Variants in EPHA6 observed in about 807,000 individuals in gnomAD.
EPHA6 encodes ephrin type-A receptor 6.
A neutral mutation model predicts 112.0 loss-of-function variants in EPHA6; 50 were observed. That is an observed-to-expected ratio of 0.45 (90% CI 0.36 to 0.56). The LOEUF is 0.56. EPHA6 is among the 20% of genes least tolerant of loss of function. The pLI is 0.00. For synonymous variants in EPHA6, 529 were observed against 490.7 expected (o/e 1.08, Z -1.03); for missense variants, 1,280 against 1,417.4 (o/e 0.90, Z 1.56).
chr3:97,009,890 C>T, intron 3 of EPHA6: 3 of 435,626 alleles, frequency 6.9e-6, no homozygotes, highest in Non-Finnish European at 1.3e-5. Flanking sequence ...CTCTGCTCTT[C>T]CTTCTCTCCA....
At chr3:97,319,144 A>T (rs549347395) in intron 5 of EPHA6, among the ~76,000 whole-genome samples, 2 of 151,072 alleles carry the variant, frequency 1.3e-5, no homozygotes, top group Admixed American at 6.6e-5. Context: ...TAATTTATTC[A>T]TTTTTTGCTT....
chr3:97,058,331 G>T (rs1029690527), intron 3 of EPHA6, among the ~76,000 whole-genome samples: 1 of 151,444 alleles, frequency 6.6e-6, no homozygotes, highest in South Asian at 2.1e-4. Context: ...AAGTTTTGCT[G>T]TTGTTACCCA....
At chr3:97,224,416 A>G (rs1218148599) in intron 3 of EPHA6, among the ~76,000 whole-genome samples, 1 of 152,178 alleles carries the variant, frequency 6.6e-6, no homozygotes, top group Non-Finnish European at 1.5e-5. Context: ...TTAACAGAAA[A>G]CACGTCAGAT....
intron 3 of EPHA6, 106 bp from the exon 4 acceptor site, chr3:97,226,158 G>T (rs147460798): frequency 6.8e-6 from 6 of 877,270 alleles, no homozygotes; most frequent in African/African-American, 6.8e-5. Context: ...GTGTAACACT[G>T]TACTCTGAGA....
Position 97,263,436 on chromosome 3 carries a change from T to TACGCAC in EPHA6, c.1606+19151_1606+19152insGCACAC, listed in dbSNP as rs367862169. ...ACAAAGCGCCTTCCAATTAAAGGGA[T>TACGCAC]ACACACACACACACACACACACACA... On this transcript the variant is annotated intron_variant, in intron 5 of 17. Transcript: ENST00000389672. Among the ~76,000 whole-genome samples, 89 of 142,302 alleles carry TACGCAC rather than the reference T, an allele frequency of 6.3e-4. 1 individual carries two copies. The highest frequency in any genetic ancestry group is 2.2e-3 in the African/African-American group (87 of 39,084). The allele number at this position is 142,302 out of a possible 152,430, so 93.4% of individuals were successfully genotyped here. A position where few individuals can be genotyped will look rare whatever the true frequency, so the allele number is the denominator to read the frequency against.
intron 13 of EPHA6, among the ~76,000 whole-genome samples, chr3:97,627,466 A>G (rs2093867790): frequency 6.6e-6 from 1 of 151,820 alleles, no homozygotes; most frequent in Non-Finnish European, 1.5e-5. Context: ...TAAAGTGGAT[A>G]CCTGAGAGAA....
intron 14 of EPHA6, among the ~76,000 whole-genome samples, chr3:97,710,352 T>C (rs186631853): frequency 6.6e-6 from 1 of 152,374 alleles, no homozygotes; most frequent in East Asian, 1.9e-4. Flanking sequence ...TTAAGGTCAC[T>C]GTTCCATTCT....
chr3:97,355,454 A>G (rs1037313762), intron 5 of EPHA6, among the ~76,000 whole-genome samples: 1 of 152,114 alleles, frequency 6.6e-6, no homozygotes, highest in South Asian at 2.1e-4. Flanking sequence ...TTATGTTGTC[A>G]TCAGTTTAAA....
chr3:97,062,908 A>G (rs1411034692), intron 3 of EPHA6, among the ~76,000 whole-genome samples: 1 of 152,164 alleles, frequency 6.6e-6, no homozygotes, highest in African/African-American at 2.4e-5. Flanking sequence ...GACACTTCTC[A>G]AAAGGAGATA....
chr3:97,009,983 TTG>T, intron 3 of EPHA6: 1 of 800,722 alleles, frequency 1.2e-6, no homozygotes, highest in Non-Finnish European at 1.8e-6. Flanking sequence ...ATGCTTATCA[TTG>T]TTTTTTTTTT....
At chr3:97,519,510 T>C (rs2092502782) in intron 10 of EPHA6, among the ~76,000 whole-genome samples, 1 of 152,184 alleles carries the variant, frequency 6.6e-6, no homozygotes, top group Non-Finnish European at 1.5e-5. Context: ...GTTTTTTCTA[T>C]TTCTGTGGCA....
Position 97,680,257 on chromosome 3 carries a change from A to T in EPHA6, c.2785-40004A>T, listed in dbSNP as rs556701111. On this transcript the variant is annotated intron_variant, in intron 14 of 17. Transcript: ENST00000389672. The stretch of plus-strand genomic sequence containing the variant: ...CTTCTCTGATAGCTAAGGATTTGGT[A>T]ACATGCCAGGCTCCTAATGTTCATT... 9.2e-5 allele frequency among the ~76,000 whole-genome samples: 14 copies of T among 152,276 alleles called. No individual in the cohort carries two copies. The South Asian group carries it at 2.9e-3, about 32-fold the overall frequency.
chr3:97,387,844 C>T (rs1307209706), intron 5 of EPHA6, among the ~76,000 whole-genome samples: 1 of 152,122 alleles, frequency 6.6e-6, no homozygotes, highest in Non-Finnish European at 1.5e-5. Flanking sequence ...GAGGTTTAAT[C>T]AGCTTACAGT....
chr3:97,084,316 A>G (rs1448689564), intron 3 of EPHA6, among the ~76,000 whole-genome samples: 2 of 151,176 alleles, frequency 1.3e-5, no homozygotes, highest in African/African-American at 4.9e-5. Flanking sequence ...TGTCCAGCCA[A>G]TCGTATAGCC....
At chr3:97,007,193 G>C (rs1167045766) in intron 3 of EPHA6, among the ~76,000 whole-genome samples, 2 of 152,132 alleles carry the variant, frequency 1.3e-5, no homozygotes, top group African/African-American at 2.4e-5. Flanking sequence ...GTCTAGTACT[G>C]AGAGTGGGGT....
chr3:97,184,747 A>G (rs1490796586), intron 3 of EPHA6, among the ~76,000 whole-genome samples: 2 of 152,126 alleles, frequency 1.3e-5, no homozygotes, highest in African/African-American at 2.4e-5. Flanking sequence ...AAAAGAGTCC[A>G]CATTGCCAAG....
intron 3 of EPHA6, among the ~76,000 whole-genome samples, chr3:97,138,368 A>G (rs28371832): frequency 0.19 from 29,399 of 152,118 alleles, 3,034 homozygotes; most frequent in Middle Eastern, 0.28. Flanking sequence ...CTGAGGAGTG[A>G]GCAGGGGTCC....
rs184925823 is a variant in EPHA6 at position 97,609,531 on chromosome 3, C to T, written c.2513-1262C>T. Among the ~76,000 whole-genome samples, 36 of 151,496 alleles carry T rather than the reference C, an allele frequency of 2.4e-4. No homozygotes were observed. In the East Asian group the frequency reaches 6.8e-3, roughly 29 times the overall value. ...ACATTATAGAATATAAGTTAATATT[C>T]ACTACAAATGGAAAACTTCCTTGGG... On this transcript the variant is annotated intron_variant, in intron 12 of 17. Coordinates refer to ENST00000389672, the MANE Select transcript of EPHA6 (RefSeq NM_001080448.3).
chr3:97,177,645 A>C (rs142842153), intron 3 of EPHA6, among the ~76,000 whole-genome samples: 3 of 152,032 alleles, frequency 2.0e-5, no homozygotes, highest in Admixed American at 6.6e-5. Context: ...TGTTTGGTTC[A>C]TATATATTTA....
Sources: gnomAD v4.1 joint callset for allele counts (sites outside exome capture counted in the v4.1 genomes callset) on GRCh38, gnomAD v4.1.1 for gene constraint, MANE v1.5 for transcripts, NCBI Gene and HGNC (gene_info 2026-07-23, HGNC 2026-07-21) for gene names.